SHROOM3: variants seen among roughly 807,000 people sequenced by gnomAD.
The protein encoded by SHROOM3 is shroom family member 3.
SHROOM3 carries 47 observed loss-of-function variants against 138.6 expected under a neutral mutation model. That is an observed-to-expected ratio of 0.34 (90% confidence interval 0.27 to 0.43). The LOEUF is 0.43. Among genes scored for constraint, SHROOM3 ranks in the 20% least tolerant of loss-of-function variants. The probability of loss-of-function intolerance (pLI) is 1.00; values close to 1 mark genes in which losing one functional copy is unlikely to be tolerated. For synonymous variants in SHROOM3, 1,062 were observed against 1,063.3 expected (o/e 1.00, Z 0.02); for missense variants, 2,491 against 2,596.5 (o/e 0.96, Z 0.88).
At chr4:76,721,423 G>C (rs1472611613) in intron 3 of SHROOM3, among the ~76,000 whole-genome samples, 2 of 152,200 alleles carry the variant, frequency 1.3e-5, no homozygotes, top group African/African-American at 4.8e-5. Context: ...ACATGAAAAA[G>C]TGTCTACAAA....
intron 4 of SHROOM3, 78 bp from the exon 5 acceptor site, chr4:76,738,683 T>G (rs1578006712): frequency 6.5e-7 from 1 of 1,544,414 alleles, no homozygotes; most frequent in East Asian, 2.2e-5. Context: ...AGAGAACATT[T>G]ATAAGCTGGG....
chr4:76,670,915 C>G (rs1718861352), intron 2 of SHROOM3, among the ~76,000 whole-genome samples: 1 of 151,942 alleles, frequency 6.6e-6, no homozygotes, highest in African/African-American at 2.4e-5. Flanking sequence ...CCACTGCACC[C>G]CAGGCTGGGT....
intron 2 of SHROOM3, chr4:76,688,742 A>G (rs1046584327): frequency 5.8e-5 from 57 of 985,322 alleles, no homozygotes; most frequent in Non-Finnish European, 6.9e-5. Context: ...CTAAAATTCC[A>G]AAGTTTGCAA....
intron 2 of SHROOM3, among the ~76,000 whole-genome samples, chr4:76,641,177 T>C (rs1735656366): frequency 6.6e-6 from 1 of 152,216 alleles, no homozygotes; most frequent in Non-Finnish European, 1.5e-5. Context: ...GAAATATTTA[T>C]TGAGGCTTTC....
intron 1 of SHROOM3, among the ~76,000 whole-genome samples, chr4:76,485,159 C>A (rs974140651): frequency 6.6e-6 from 1 of 152,122 alleles, no homozygotes; most frequent in Non-Finnish European, 1.5e-5. Context: ...CTGTCCCTTG[C>A]CCCCCTCCCT....
intron 10 of SHROOM3, among the ~76,000 whole-genome samples, chr4:76,776,401 G>A (rs1199696260): frequency 6.6e-6 from 1 of 152,150 alleles, no homozygotes; most frequent in Non-Finnish European, 1.5e-5. Context: ...TGGGTTGTCT[G>A]TTTACTCTGC....
intron 2 of SHROOM3, among the ~76,000 whole-genome samples, chr4:76,590,132 A>C (rs1478099427): frequency 6.6e-6 from 1 of 152,178 alleles, no homozygotes; most frequent in African/African-American, 2.4e-5. Context: ...TCTGTGACTG[A>C]AAGAGAGAGC....
chr4:76,775,563 G>A (rs1722524663), intron 10 of SHROOM3, among the ~76,000 whole-genome samples: 1 of 151,838 alleles, frequency 6.6e-6, no homozygotes, highest in Non-Finnish European at 1.5e-5. Flanking sequence ...CCAGAGGAAA[G>A]AAGTAATTAT....
rs1273014755 is a variant in SHROOM3 at position 76,661,560 on chromosome 4, A to G, written c.324-48596A>G. 2.0e-5 allele frequency among the ~76,000 whole-genome samples: 3 copies of G among 152,162 alleles called. No homozygotes were observed. In the East Asian group the frequency reaches 5.8e-4, roughly 29 times the overall value. On this transcript the variant is annotated intron_variant, in intron 2 of 10. Coordinates refer to ENST00000296043, the MANE Select transcript of SHROOM3 (RefSeq NM_020859.4). Reference sequence around the variant, plus strand: ...ATATAGTCCATTTTTATCACCAGATAAAGTTTCTTTGTGCCCCTTTCCAGT... The same window carrying G: ...ATATAGTCCATTTTTATCACCAGATGAAGTTTCTTTGTGCCCCTTTCCAGT...
chr4:76,705,111 A>G (rs1324813972), intron 2 of SHROOM3, among the ~76,000 whole-genome samples: 1 of 152,162 alleles, frequency 6.6e-6, no homozygotes, highest in Non-Finnish European at 1.5e-5. Flanking sequence ...GAACTGAAAG[A>G]TCTGGAACCC....
chr4:76,479,715 T>G (rs1258354288), intron 1 of SHROOM3, among the ~76,000 whole-genome samples: 1 of 152,058 alleles, frequency 6.6e-6, no homozygotes, highest in Non-Finnish European at 1.5e-5. Context: ...GAAAATACGT[T>G]AAGGGCAGCC....
chr4:76,748,981 A>G, intron 5 of SHROOM3, 36 bp from the exon 6 acceptor site: 2 of 1,604,838 alleles, frequency 1.2e-6, no homozygotes, highest in Non-Finnish European at 1.7e-6. Context: ...ACACCCGTTT[A>G]TTGGCAGTAA....
intron 2 of SHROOM3, among the ~76,000 whole-genome samples, chr4:76,658,208 AGG>A (rs997647996): frequency 6.6e-6 from 1 of 152,208 alleles, no homozygotes; most frequent in Non-Finnish European, 1.5e-5. Context: ...ACCAAATTAC[AGG>A]GTTTCAAACC....
intron 1 of SHROOM3, among the ~76,000 whole-genome samples, chr4:76,535,920 G>GGCGGAGGAAGAAAT (rs1423947732): frequency 6.6e-6 from 1 of 152,202 alleles, no homozygotes; most frequent in Non-Finnish European, 1.5e-5. Context: ...ATAAGCCACA[G>GGCGGAGGAAGAAAT]GCGGAGGAAG....
At position 76,741,255 on chromosome 4, in the gene SHROOM3, G is replaced by A. The variant is rs766330712; in HGVS notation, c.3082G>A (p.Glu1028Lys). ...CTACTCGGAGCCCGAGAAGATGAACGAGGTGGGGATCGTGGAGGAGGCCGA... is the reference window on the plus strand; with the variant it reads ...CTACTCGGAGCCCGAGAAGATGAACAAGGTGGGGATCGTGGAGGAGGCCGA... ...RSYSEPEKMNEVGIVEEAEPA... is the reference protein window; with the variant it reads ...RSYSEPEKMNKVGIVEEAEPA... The change falls in exon 5 of 11, where the codon GAG becomes AAG. Residue 1028 changes from glutamate (E) to lysine (K), a missense_variant. Around this residue, in one of 4 missense-constraint regions of SHROOM3, gnomAD observed 1,733 missense variants for 1,661.6 expected, o/e 1.04. Coordinates refer to ENST00000296043, the MANE Select transcript of SHROOM3 (RefSeq NM_020859.4). This position sits in a 1 kb window ranked among gnomAD's most constrained non-coding sequence, Gnocchi z 6.2. The A allele has an allele frequency of 6.8e-6, 11 of 1,611,814 alleles. No homozygotes were observed. The highest frequency in any genetic ancestry group is 1.1e-5 in the South Asian group (1 of 91,034).
At chr4:76,720,231 T>A (rs1426571140) in intron 3 of SHROOM3, among the ~76,000 whole-genome samples, 1 of 134,450 alleles carries the variant, frequency 7.4e-6, no homozygotes. Flanking sequence ...GAAGTAGTTA[T>A]AGAAACAAGG....
At chr4:76,628,550 C>T (rs1014701204) in intron 2 of SHROOM3, among the ~76,000 whole-genome samples, 2 of 152,102 alleles carry the variant, frequency 1.3e-5, no homozygotes, top group East Asian at 3.9e-4. Context: ...TGATACTTGT[C>T]CTTTACTTCA....
intron 1 of SHROOM3, among the ~76,000 whole-genome samples, 176 bp downstream of exon 1, chr4:76,436,396 T>C (rs550427346): frequency 4.9e-4 from 74 of 152,218 alleles, no homozygotes; most frequent in Non-Finnish European, 4.9e-4. Context: ...AAAATGTGTC[T>C]AGCTCATTTA....
At chr4:76,645,098 CCA>C (rs1023599534) in intron 2 of SHROOM3, among the ~76,000 whole-genome samples, 6 of 152,284 alleles carry the variant, frequency 3.9e-5, no homozygotes, top group Middle Eastern at 3.4e-3. Flanking sequence ...TATATTTACA[CCA>C]CACTGTCTCT....
Sources: gnomAD v4.1 joint callset for allele counts (sites outside exome capture counted in the v4.1 genomes callset) on GRCh38, gnomAD v4.1.1 for gene constraint, gnomAD v4.1.1 regional missense constraint, Gnocchi (gnomAD v3.1) non-coding constraint, MANE v1.5 for transcripts, NCBI Gene and HGNC (gene_info 2026-07-23, HGNC 2026-07-21) for gene names.